PCDHGB6: variants seen among roughly 807,000 people sequenced by gnomAD.
PCDHGB6 encodes the protein protocadherin gamma-B6.
In PCDHGB6, 51 loss-of-function variants were observed where a neutral mutation model predicts 59.1. That is an observed-to-expected ratio of 0.86 (90% CI 0.69 to 1.09). The LOEUF is 1.09. Among genes scored for constraint, PCDHGB6 ranks in the 50% least tolerant of loss-of-function variants. PCDHGB6 has a pLI of 0.00. For synonymous variants in PCDHGB6, 466 were observed against 495.1 expected (o/e 0.94, Z 0.78); for missense variants, 1,148 against 1,205.1 (o/e 0.95, Z 0.70).
At position 141,485,685 on chromosome 5, in the gene PCDHGB6, G is replaced by A; in HGVS notation, c.2419-9122G>A. ...GGGAGCAATTCGATTAGCAGCTATA[G>A]GCTGAGCTCCAATGAACACTTTGCA... On this transcript the variant is annotated intron_variant, in intron 1 of 3. Coordinates refer to ENST00000520790, the MANE Select transcript of PCDHGB6 (RefSeq NM_018926.3). This position sits in a 1 kb window ranked among gnomAD's most constrained non-coding sequence, Gnocchi z 5.7. 1.2e-6 allele frequency: 2 copies of A among 1,614,052 alleles called. No homozygotes were observed. The highest frequency in any genetic ancestry group is 1.3e-5 in the African/African-American group (1 of 75,072).
At position 141,487,370 on chromosome 5, in the gene PCDHGB6, T is replaced by C; in HGVS notation, c.2419-7437T>C. 6.2e-7 allele frequency: 1 copy of C among 1,614,232 alleles called. No individual in the cohort carries two copies. Among genetic ancestry groups the C allele is most frequent in the South Asian group, 1.1e-5 (1 of 91,080 alleles). On this transcript the variant is annotated intron_variant, in intron 1 of 3. Transcript: ENST00000520790. The surrounding 1 kb of genome is among the most constrained non-coding windows in gnomAD (Gnocchi z 5.0). ...ATGCTTTCCTGCTGGCACCTGTGCC[T>C]GTCTCACCAGATCTCGAAGGAGGGA... is the stretch of plus-strand genomic sequence containing the variant.
chr5:141,484,242 A>G (rs995022030), intron 1 of PCDHGB6, among the ~76,000 whole-genome samples: 1 of 152,216 alleles, frequency 6.6e-6, no homozygotes, highest in African/African-American at 2.4e-5. Flanking sequence ...TCTGGTCCTT[A>G]GCACCTCCCA....
At position 141,432,458 on chromosome 5, in the gene PCDHGB6, C is replaced by T. The variant is rs1368524835; in HGVS notation, c.2418+21838C>T. 1.9e-6 allele frequency: 3 copies of T among 1,614,136 alleles called. No individual in the cohort carries two copies. The highest frequency in any genetic ancestry group is 8.5e-7 in the Non-Finnish European group (1 of 1,180,066). ...TGCGCCCGAGATCCTGTACCCCGCC[C>T]TCCCCACGGACGGTTCCACTGGCGT... On this transcript the variant is annotated intron_variant, in intron 1 of 3. Transcript: ENST00000520790. This position sits in a 1 kb window ranked among gnomAD's most constrained non-coding sequence, Gnocchi z 6.0.
chr5:141,423,605 T>G lies in PCDHGB6; in HGVS notation c.2418+12985T>G. The G allele has an allele frequency of 1.6e-5, 26 of 1,612,620 alleles. No individual in the cohort carries two copies. Among genetic ancestry groups the G allele is most frequent in the Non-Finnish European group, 2.0e-5 (24 of 1,179,120 alleles). On this transcript the variant is annotated intron_variant, in intron 1 of 3. Transcript: ENST00000520790. Reference sequence around the variant, plus strand: ...AGCTGTGAGAAAAGCGAGCCACTCTTGATAGCTGAAGACTCAGCTATCATT... The same window carrying G: ...AGCTGTGAGAAAAGCGAGCCACTCTGGATAGCTGAAGACTCAGCTATCATT...
At chr5:141,444,434 G>A (rs761353277) in intron 1 of PCDHGB6, among the ~76,000 whole-genome samples, 16 of 152,196 alleles carry the variant, frequency 1.1e-4, no homozygotes, top group Admixed American at 7.2e-4. Flanking sequence ...GCCTCCCAAA[G>A]TGCTGGGATT....
Position 141,410,448 on chromosome 5 carries a change from C to T in PCDHGB6, c.2246C>T (p.Pro749Leu). ...CCCAACTACAGTGAGGGGACTTTGC[C>T]TTATTCTTATAATCTGTGCATTGCA... ...VPPNYSEGTL[P>L]YSYNLCIAHT... Residue 749 changes from proline to leucine, a missense_variant, in exon 1 of 4, where the codon CCT becomes CTT. By Grantham distance (98) the Pro-to-Leu change is moderately conservative (BLOSUM62 -3). Around this residue, in one of 5 missense-constraint regions of PCDHGB6, gnomAD observed 283 missense variants for 318.6 expected, o/e 0.89. Coordinates refer to ENST00000520790, the MANE Select transcript of PCDHGB6 (RefSeq NM_018926.3). 1 of 1,614,006 alleles carries T rather than the reference C, an allele frequency of 6.2e-7. No homozygotes were observed. The highest frequency in any genetic ancestry group is 8.5e-7 in the Non-Finnish European group (1 of 1,179,894).
chr5:141,413,197 T>C (rs1429088178), intron 1 of PCDHGB6: 1 of 1,611,552 alleles, frequency 6.2e-7, no homozygotes, highest in Non-Finnish European at 8.5e-7. Flanking sequence ...AAGGAATCGC[T>C]CAAAGGAATC....
At chr5:141,418,874 G>A (rs2096295785) in intron 1 of PCDHGB6, 1 of 1,614,024 alleles carries the variant, frequency 6.2e-7, no homozygotes, top group East Asian at 2.2e-5. Context: ...AGAAGTTGTA[G>A]ACGAAAACGA....
chr5:141,486,803 C>T lies in PCDHGB6; in HGVS notation c.2419-8004C>T. 1 of 1,614,228 alleles carries T rather than the reference C, an allele frequency of 6.2e-7. No homozygotes were observed. Among genetic ancestry groups the T allele is most frequent in the South Asian group, 1.1e-5 (1 of 91,084 alleles). ...GCAGGCCCGGGATCGGGGCAACCCACCCCTTAGCAGCACTGTAACAGTTCG... is the reference window on the plus strand; with the variant it reads ...GCAGGCCCGGGATCGGGGCAACCCATCCCTTAGCAGCACTGTAACAGTTCG... On this transcript the variant is annotated intron_variant, in intron 1 of 3. Coordinates refer to ENST00000520790, the MANE Select transcript of PCDHGB6 (RefSeq NM_018926.3). The surrounding 1 kb of genome is among the most constrained non-coding windows in gnomAD (Gnocchi z 5.0).
intron 1 of PCDHGB6, chr5:141,430,664 C>G (rs2154553866): frequency 8.3e-7 from 1 of 1,209,890 alleles, no homozygotes; most frequent in East Asian, 2.6e-5. Context: ...CGGAGGAGCT[C>G]TGACTTCCCA....
At chr5:141,482,768 CTGA>C (rs2099572195) in intron 1 of PCDHGB6, among the ~76,000 whole-genome samples, 1 of 126,868 alleles carries the variant, frequency 7.9e-6, no homozygotes, top group Admixed American at 7.7e-5. Flanking sequence ...TTCATTATCA[CTGA>C]ACCTTAAACT....
At chr5:141,429,875 A>G (rs959789833) in intron 1 of PCDHGB6, among the ~76,000 whole-genome samples, 3 of 152,322 alleles carry the variant, frequency 2.0e-5, no homozygotes, top group Middle Eastern at 6.8e-3. Context: ...ATTTTCTTTT[A>G]CTAAGTTTCC....
intron 1 of PCDHGB6, among the ~76,000 whole-genome samples, chr5:141,456,572 C>T (rs958661783): frequency 6.6e-6 from 1 of 152,168 alleles, no homozygotes; most frequent in Non-Finnish European, 1.5e-5. Flanking sequence ...CCACATTTTC[C>T]CTGAGCCTGT....
chr5:141,444,376 G>A (rs977995642), intron 1 of PCDHGB6, among the ~76,000 whole-genome samples: 1 of 151,796 alleles, frequency 6.6e-6, no homozygotes, highest in Non-Finnish European at 1.5e-5. Flanking sequence ...TCTCCATGTT[G>A]GTCAGGCTAG....
chr5:141,467,572 G>A (rs1351985954), intron 1 of PCDHGB6, among the ~76,000 whole-genome samples: 1 of 152,184 alleles, frequency 6.6e-6, no homozygotes, highest in African/African-American at 2.4e-5. Flanking sequence ...TGGCTATCCA[G>A]TTGTCCCAAT....
rs145025535 is a variant in PCDHGB6 at position 141,457,569 on chromosome 5, T to A, written c.2419-37238T>A. 2.5e-3 allele frequency among the ~76,000 whole-genome samples: 376 copies of A among 152,304 alleles called. 1 individual carries two copies. Among genetic ancestry groups the A allele is most frequent in the African/African-American group, 8.6e-3 (357 of 41,554 alleles). On this transcript the variant is annotated intron_variant, in intron 1 of 3. Transcript: ENST00000520790. Reference sequence around the variant, plus strand: ...TGTATGATAAGCTTTGGAGCAAAATTTTTCTCTCCAGTCCTCATTTTTGGT... The same window carrying A: ...TGTATGATAAGCTTTGGAGCAAAATATTTCTCTCCAGTCCTCATTTTTGGT...
chr5:141,446,251 A>G (rs979768028), intron 1 of PCDHGB6, among the ~76,000 whole-genome samples: 1 of 152,178 alleles, frequency 6.6e-6, no homozygotes, highest in Admixed American at 6.5e-5. Context: ...ATCTTCAGTG[A>G]AATATTATTA....
rs1266310917 is a variant in PCDHGB6 at position 141,486,868 on chromosome 5, G to A, written c.2419-7939G>A. 2 of 1,614,104 alleles carry A rather than the reference G, an allele frequency of 1.2e-6. No homozygotes were observed. Among genetic ancestry groups the A allele is most frequent in the Non-Finnish European group, 1.7e-6 (2 of 1,180,056 alleles). ...ACCTCAATGACAATGCTCCAGCTGT[G>A]CTCCGTCCTCGGGCCCGGCCTGGTT... On this transcript the variant is annotated intron_variant, in intron 1 of 3. Transcript: ENST00000520790. The surrounding 1 kb of genome is among the most constrained non-coding windows in gnomAD (Gnocchi z 5.0).
chr5:141,463,927 A>G (rs1454864391), intron 1 of PCDHGB6, among the ~76,000 whole-genome samples: 1 of 152,206 alleles, frequency 6.6e-6, no homozygotes, highest in Non-Finnish European at 1.5e-5. Flanking sequence ...AAATCATTCT[A>G]TATAAATTTA....
Sources: gnomAD v4.1 joint callset for allele counts (sites outside exome capture counted in the v4.1 genomes callset) on GRCh38, gnomAD v4.1.1 for gene constraint, gnomAD v4.1.1 regional missense constraint, Gnocchi (gnomAD v3.1) non-coding constraint, MANE v1.5 for transcripts, NCBI Gene and HGNC (gene_info 2026-07-23, HGNC 2026-07-21) for gene names.